PRKG1: variants seen among roughly 807,000 people sequenced by gnomAD.
PRKG1 encodes cGMP-dependent protein kinase 1.
A neutral mutation model predicts 88.1 loss-of-function variants in PRKG1; 35 were observed. The observed-to-expected ratio is 0.40, with a 90% CI of 0.30 to 0.53. PRKG1 has a LOEUF of 0.53. Ranked by LOEUF, PRKG1 falls within the 20% of genes least tolerant of loss-of-function variation. PRKG1 has a pLI of 0.59. For synonymous variants in PRKG1, 303 were observed against 292.5 expected, an observed-to-expected ratio of 1.04 and a Z score of -0.37; for missense variants, 540 against 839.8, an observed-to-expected ratio of 0.64 and a Z score of 4.41.
chr10:51,233,914 T>C (rs2132113310), intron 2 of PRKG1, among the ~76,000 whole-genome samples: 1 of 152,270 alleles, frequency 6.6e-6, no homozygotes, highest in South Asian at 2.1e-4. Context: ...ACATTCTTCT[T>C]ATGAATCAGA....
chr10:52,092,709 CTTGTA>C (rs534451857), intron 7 of PRKG1, among the ~76,000 whole-genome samples: 108 of 152,156 alleles, frequency 7.1e-4, no homozygotes, highest in South Asian at 1.5e-3. Flanking sequence ...TGAAAATATT[CTTGTA>C]TTGTATAATG....
At chr10:52,168,888 A>G (rs190085931) in intron 9 of PRKG1, among the ~76,000 whole-genome samples, 18 of 152,262 alleles carry the variant, frequency 1.2e-4, no homozygotes, top group African/African-American at 4.3e-4. Context: ...CCAGGTTTGG[A>G]GAGTAGGGTG....
chr10:51,777,615 ACAT>A (rs1357383964), intron 3 of PRKG1, among the ~76,000 whole-genome samples: 1 of 152,076 alleles, frequency 6.6e-6, no homozygotes, highest in African/African-American at 2.4e-5. Context: ...CTACATTGAC[ACAT>A]CATTATTGCC....
intron 5 of PRKG1, among the ~76,000 whole-genome samples, chr10:51,925,774 G>A (rs1842561152): frequency 6.6e-6 from 1 of 152,212 alleles, no homozygotes; most frequent in Non-Finnish European, 1.5e-5. Flanking sequence ...GAACCCCATA[G>A]TCTGTCTTTC....
chr10:51,312,449 C>G (rs1841212969), intron 2 of PRKG1, among the ~76,000 whole-genome samples: 1 of 152,176 alleles, frequency 6.6e-6, no homozygotes, highest in Non-Finnish European at 1.5e-5. Flanking sequence ...AGTCAACTCA[C>G]TGTCAGGGTG....
intron 5 of PRKG1, among the ~76,000 whole-genome samples, chr10:52,018,977 A>G (rs370345375): frequency 3.3e-5 from 5 of 150,322 alleles, no homozygotes; most frequent in Admixed American, 1.3e-4. Context: ...TATGAAGAAA[A>G]GGGTTCATTT....
chr10:51,601,709 G>A (rs1292962227), intron 3 of PRKG1, among the ~76,000 whole-genome samples: 1 of 96,272 alleles, frequency 1.0e-5, no homozygotes, highest in African/African-American at 3.7e-5. Flanking sequence ...TAGAAATAAA[G>A]TGGCAGATTG....
intron 5 of PRKG1, among the ~76,000 whole-genome samples, chr10:51,932,086 G>A (rs1326545344): frequency 4.0e-5 from 6 of 151,852 alleles, no homozygotes; most frequent in African/African-American, 1.5e-4. Context: ...TTTTGTTAAT[G>A]TAACATTATA....
intron 3 of PRKG1, among the ~76,000 whole-genome samples, chr10:51,590,230 C>T (rs1325483429): frequency 6.6e-6 from 1 of 152,100 alleles, no homozygotes; most frequent in Non-Finnish European, 1.5e-5. Context: ...AGTTGGAAAG[C>T]AGAAAAGCAC....
intron 3 of PRKG1, among the ~76,000 whole-genome samples, chr10:51,669,034 G>A (rs187826827): frequency 2.7e-4 from 41 of 152,102 alleles, no homozygotes; most frequent in Admixed American, 1.6e-3. Flanking sequence ...AGCTGTTCAC[G>A]CTAATTCGCC....
intron 9 of PRKG1, among the ~76,000 whole-genome samples, chr10:52,221,570 A>C (rs1468352322): frequency 6.6e-6 from 1 of 152,178 alleles, no homozygotes; most frequent in Non-Finnish European, 1.5e-5. Flanking sequence ...AGAAAACCAG[A>C]ATATGAACTA....
intron 7 of PRKG1, chr10:52,062,899 C>CTA (rs1846271101): frequency 5.9e-6 from 4 of 675,432 alleles, no homozygotes; most frequent in Non-Finnish European, 8.1e-6. Context: ...ATTGCAATCT[C>CTA]TATAACAACT....
At chr10:52,166,794 TATAC>T (rs200154629) in intron 9 of PRKG1, among the ~76,000 whole-genome samples, 11,228 of 42,648 alleles carry the variant, frequency 0.26, 1,332 homozygotes, top group East Asian at 0.47. Flanking sequence ...AGCCTATATA[TATAC>T]ATATATATAT....
chr10:51,918,713 T>C (rs576973909), intron 5 of PRKG1, among the ~76,000 whole-genome samples: 1 of 152,316 alleles, frequency 6.6e-6, no homozygotes, highest in African/African-American at 2.4e-5. Flanking sequence ...TCAGCATGTG[T>C]GTGAGATCTG....
At chr10:51,907,758 AG>A (rs1842118581) in intron 5 of PRKG1, 188 bp downstream of exon 5, 2 of 481,102 alleles carry the variant, frequency 4.2e-6, no homozygotes, top group South Asian at 8.5e-5. Context: ...ATATGCAGAA[AG>A]GTGCAAATCA....
At chr10:52,052,882 A>C (rs1242149846) in intron 5 of PRKG1, among the ~76,000 whole-genome samples, 1 of 152,168 alleles carries the variant, frequency 6.6e-6, no homozygotes, top group Non-Finnish European at 1.5e-5. Flanking sequence ...ATGAGCCATG[A>C]TCGGGCCACT....
intron 5 of PRKG1, among the ~76,000 whole-genome samples, chr10:52,040,991 C>T (rs1160089067): frequency 6.6e-6 from 1 of 151,856 alleles, no homozygotes; most frequent in Non-Finnish European, 1.5e-5. Flanking sequence ...CGCCCGCCAC[C>T]ATGCCCTGCT....
At chr10:51,781,701 G>C (rs1838593000) in intron 3 of PRKG1, among the ~76,000 whole-genome samples, 1 of 152,236 alleles carries the variant, frequency 6.6e-6, no homozygotes, top group East Asian at 1.9e-4. Flanking sequence ...CACTACTTCT[G>C]TCCACTGGAG....
At chr10:51,293,653 T>C (rs1413218631) in intron 2 of PRKG1, among the ~76,000 whole-genome samples, 1 of 152,186 alleles carries the variant, frequency 6.6e-6, no homozygotes, top group African/African-American at 2.4e-5. Flanking sequence ...CTTCCATGTC[T>C]TAGCTATTGT....
Sources: allele counts gnomAD v4.1 joint callset (sites outside exome capture counted in the v4.1 genomes callset), GRCh38; gene constraint gnomAD v4.1.1; transcripts MANE v1.5; gene names NCBI Gene and HGNC (gene_info 2026-07-23, HGNC 2026-07-21).